Variants in UBE2R2 observed in about 807,000 individuals in gnomAD.
UBE2R2 encodes ubiquitin-conjugating enzyme E2 R2.
In UBE2R2, 1 loss-of-function variant was observed where a neutral mutation model predicts 27.8. The observed-to-expected ratio is 0.04, with a 90% confidence interval of 0.01 to 0.17. UBE2R2 has a LOEUF of 0.17. Among genes scored for constraint, UBE2R2 ranks in the 10% least tolerant of loss-of-function variants. The pLI, the probability that UBE2R2 is intolerant of heterozygous loss-of-function variation, is 1.00. For synonymous variants in UBE2R2, 106 were observed against 113.3 expected, an observed-to-expected ratio of 0.94 and a Z score of 0.41; for missense variants, 100 against 291.0, an observed-to-expected ratio of 0.34 and a Z score of 4.78.
intron 1 of UBE2R2, among the ~76,000 whole-genome samples, chr9:33,844,668 A>G (rs1166851425): frequency 6.6e-6 from 1 of 152,012 alleles, no homozygotes; most frequent in Non-Finnish European, 1.5e-5. Context: ...TTATTCAGTC[A>G]CTTCGAAGTC....
intron 1 of UBE2R2, among the ~76,000 whole-genome samples, chr9:33,870,976 A>G (rs986517507): frequency 1.3e-5 from 2 of 152,170 alleles, no homozygotes; most frequent in African/African-American, 2.4e-5. Flanking sequence ...GTTTATTCCA[A>G]CTGCCTCTGT....
At chr9:33,857,179 A>G (rs890277949) in intron 1 of UBE2R2, among the ~76,000 whole-genome samples, 1 of 150,242 alleles carries the variant, frequency 6.7e-6, no homozygotes, top group Non-Finnish European at 1.5e-5. Context: ...TGCAGGCATG[A>G]GCCACCCTGC....
At chr9:33,900,085 T>C in intron 2 of UBE2R2, 89 bp from the exon 3 acceptor site, 1 of 937,054 alleles carries the variant, frequency 1.1e-6, no homozygotes, top group South Asian at 1.5e-5. Context: ...AGAAACAGTT[T>C]CTAGGAATAA....
Position 33,917,227 on chromosome 9 carries a change from A to G in UBE2R2, c.707A>G (p.Glu236Gly). The change falls in exon 5 of 5, where the codon GAG becomes GGG. Residue 236 changes from glutamate to glycine, a missense_variant. Coordinates refer to ENST00000263228, the MANE Select transcript of UBE2R2 (RefSeq NM_017811.4). ...TATGATGATGATGATTCTGGGAATG[A>G]GGAGTCGTGACGTGCTCCTTCAGTG... ...DCYDDDDSGN[E>G]ES The G allele has an allele frequency of 6.2e-7, 1 of 1,614,176 alleles. No individual in the cohort carries two copies. Among genetic ancestry groups the G allele is most frequent in the South Asian group, 1.1e-5 (1 of 91,084 alleles).
intron 1 of UBE2R2, among the ~76,000 whole-genome samples, chr9:33,843,520 C>G (rs1036410977): frequency 6.6e-6 from 1 of 151,918 alleles, no homozygotes; most frequent in African/African-American, 2.4e-5. Flanking sequence ...GCTATGTCTC[C>G]CAGGCTAGAG....
intron 3 of UBE2R2, among the ~76,000 whole-genome samples, chr9:33,910,682 T>A (rs1220147696): frequency 6.6e-6 from 1 of 152,240 alleles, no homozygotes; most frequent in Non-Finnish European, 1.5e-5. Context: ...TCAGAGACTC[T>A]AGTTCTTCTG....
rs184591655 is a variant in UBE2R2 at position 33,828,116 on chromosome 9, A to G, written c.177+10182A>G. Among the ~76,000 whole-genome samples, 933 of 152,026 alleles carry G rather than the reference A, an allele frequency of 6.1e-3. 3 individuals carry two copies. Among genetic ancestry groups the G allele is most frequent in the Non-Finnish European group, 0.01 (685 of 67,960 alleles). On this transcript the variant is annotated intron_variant, in intron 1 of 4. Coordinates refer to ENST00000263228, the MANE Select transcript of UBE2R2 (RefSeq NM_017811.4). ...TCAGGAGTTCAAGACCAGCCTGACC[A>G]ACATGGTGAAACCCTATCTCTACTG...
At chr9:33,845,325 C>G (rs1295440615) in intron 1 of UBE2R2, among the ~76,000 whole-genome samples, 1 of 151,522 alleles carries the variant, frequency 6.6e-6, no homozygotes, top group African/African-American at 2.4e-5. Context: ...TGGCTCACTG[C>G]AAGCTCCGCC....
intron 1 of UBE2R2, among the ~76,000 whole-genome samples, chr9:33,843,716 T>A (rs1361619549): frequency 2.0e-5 from 3 of 152,214 alleles, no homozygotes; most frequent in Non-Finnish European, 1.5e-5. Context: ...TGACCTCAAA[T>A]GATCTGCCTT....
At chr9:33,915,672 T>C (rs927264631) in intron 4 of UBE2R2, among the ~76,000 whole-genome samples, 2 of 152,176 alleles carry the variant, frequency 1.3e-5, no homozygotes, top group African/African-American at 4.8e-5. Flanking sequence ...AATCAGTATT[T>C]ATTGCACACC....
At chr9:33,840,374 A>G (rs1776099727) in intron 1 of UBE2R2, among the ~76,000 whole-genome samples, 1 of 152,088 alleles carries the variant, frequency 6.6e-6, no homozygotes, top group Admixed American at 6.6e-5. Flanking sequence ...TATTTTATTT[A>G]GTGTTATGAT....
intron 1 of UBE2R2, among the ~76,000 whole-genome samples, chr9:33,870,412 A>G (rs921043882): frequency 6.6e-6 from 1 of 152,130 alleles, no homozygotes; most frequent in Non-Finnish European, 1.5e-5. Flanking sequence ...CAAAATGGTG[A>G]GATTACAGGC....
At chr9:33,880,671 C>T (rs1256017579) in intron 1 of UBE2R2, among the ~76,000 whole-genome samples, 1 of 152,134 alleles carries the variant, frequency 6.6e-6, no homozygotes, top group Non-Finnish European at 1.5e-5. Context: ...ACCAGGGGTG[C>T]CTACCCGATA....
At chr9:33,846,009 C>G (rs886364722) in intron 1 of UBE2R2, among the ~76,000 whole-genome samples, 4 of 152,050 alleles carry the variant, frequency 2.6e-5, no homozygotes, top group African/African-American at 9.7e-5. Flanking sequence ...ACCTGTAGTT[C>G]CAGCTACTCG....
At chr9:33,864,154 C>T (rs1563992630) in intron 1 of UBE2R2, among the ~76,000 whole-genome samples, 1 of 151,972 alleles carries the variant, frequency 6.6e-6, no homozygotes. Context: ...TGCTGATGTT[C>T]ATATATGTAA....
chr9:33,870,045 C>G (rs187661761), intron 1 of UBE2R2, among the ~76,000 whole-genome samples: 24 of 151,956 alleles, frequency 1.6e-4, no homozygotes, highest in Non-Finnish European at 3.1e-4. Context: ...CTAGGTTTCA[C>G]TATATTGGTC....
intron 1 of UBE2R2, among the ~76,000 whole-genome samples, chr9:33,821,306 G>A (rs1825977547): frequency 6.6e-6 from 1 of 151,816 alleles, no homozygotes; most frequent in African/African-American, 2.4e-5. Context: ...GCATGACTAC[G>A]CCCGGCTAAT....
At chr9:33,831,646 TTTTA>T (rs1349526919) in intron 1 of UBE2R2, among the ~76,000 whole-genome samples, 1 of 151,692 alleles carries the variant, frequency 6.6e-6, no homozygotes, top group Non-Finnish European at 1.5e-5. Context: ...CGAACTCTTA[TTTTA>T]TTTATTTTAT....
intron 1 of UBE2R2, among the ~76,000 whole-genome samples, chr9:33,830,493 G>A (rs373267437): frequency 4.7e-5 from 7 of 150,374 alleles, no homozygotes; most frequent in Admixed American, 1.3e-4. Flanking sequence ...CTGATTGGAC[G>A]CGTTGGCTCA....
Sources: allele counts gnomAD v4.1 joint callset (sites outside exome capture counted in the v4.1 genomes callset), GRCh38; gene constraint gnomAD v4.1.1; transcripts MANE v1.5; gene names NCBI Gene and HGNC (gene_info 2026-07-23, HGNC 2026-07-21).